Variants in RNF111 observed in about 807,000 individuals in gnomAD.
RNF111 encodes ring finger protein 111.
In RNF111, 17 loss-of-function variants were observed where a neutral mutation model predicts 95.1. The ratio of observed to expected loss-of-function variants is 0.18; its 90% CI spans 0.12 to 0.27. The LOEUF is 0.27. RNF111 is among the 10% of genes least tolerant of loss of function. RNF111 has a pLI of 1.00. For missense variants in RNF111, 1,189 were observed against 1,210.4 expected, an observed-to-expected ratio of 0.98 and a Z score of 0.26; for synonymous variants, 440 against 414.8, an observed-to-expected ratio of 1.06 and a Z score of -0.74.
chr15:59,092,171 T>C (rs1407362409), intron 12 of RNF111, among the ~76,000 whole-genome samples: 1 of 152,216 alleles, frequency 6.6e-6, no homozygotes, highest in Non-Finnish European at 1.5e-5. Context: ...CTAATGTTAA[T>C]TTAAATGGAT....
chr15:58,989,834 C>G (rs949170037), intron 1 of RNF111, among the ~76,000 whole-genome samples: 1 of 151,784 alleles, frequency 6.6e-6, no homozygotes, highest in Non-Finnish European at 1.5e-5. Context: ...ATAAAGGAAA[C>G]TAATTGAATC....
intron 13 of RNF111, 27 bp downstream of exon 13, chr15:59,092,667 C>T (rs1449127657): frequency 1.3e-6 from 2 of 1,580,502 alleles, no homozygotes; most frequent in African/African-American, 1.4e-5. Context: ...TATCTAAAAT[C>T]CATTGTCAAA....
chr15:59,086,183 G>A (rs2078895832), intron 10 of RNF111, among the ~76,000 whole-genome samples: 1 of 151,894 alleles, frequency 6.6e-6, no homozygotes, highest in Non-Finnish European at 1.5e-5. Flanking sequence ...GCAGTAGTAT[G>A]ATCTCAGCTC....
At chr15:59,069,592 G>A (rs1381998852) in intron 6 of RNF111, among the ~76,000 whole-genome samples, 1 of 152,082 alleles carries the variant, frequency 6.6e-6, no homozygotes. Flanking sequence ...AGTATTAGTA[G>A]AAGTATTTGG....
At chr15:59,036,993 T>C (rs2041211060) in intron 2 of RNF111, among the ~76,000 whole-genome samples, 1 of 151,690 alleles carries the variant, frequency 6.6e-6, no homozygotes, top group South Asian at 2.1e-4. Context: ...GCAACTACAG[T>C]TGACTAATTT....
intron 5 of RNF111, among the ~76,000 whole-genome samples, chr15:59,060,388 G>A (rs186949328): frequency 6.6e-6 from 1 of 151,752 alleles, no homozygotes; most frequent in Admixed American, 6.6e-5. Flanking sequence ...CAGATCACTC[G>A]AGGCCAGGAG....
chr15:59,032,287 T>TCATTTATGGTACACATTTTTTTA (rs1238124672), intron 2 of RNF111, among the ~76,000 whole-genome samples: 1 of 152,214 alleles, frequency 6.6e-6, no homozygotes, highest in East Asian at 1.9e-4. Flanking sequence ...TGTATGTTCT[T>TCATTTATGGTACACATTTTTTTA]CATTTATGGT....
intron 1 of RNF111, among the ~76,000 whole-genome samples, chr15:58,999,628 G>A (rs1267954061): frequency 3.9e-5 from 6 of 152,136 alleles, no homozygotes; most frequent in Admixed American, 3.9e-4. Context: ...CAGCCACTGT[G>A]CCCGGCCTAT....
At chr15:59,051,472 A>G (rs1224565771) in intron 2 of RNF111, among the ~76,000 whole-genome samples, 1 of 134,212 alleles carries the variant, frequency 7.5e-6, no homozygotes, top group African/African-American at 3.2e-5. Flanking sequence ...AAAAAAAGGA[A>G]AAAAAAAAAA....
chr15:59,089,780 A>G lies in RNF111; in HGVS notation c.2643+21A>G, dbSNP rs774280635. The G allele has an allele frequency of 4.7e-6, 7 of 1,503,230 alleles. No homozygotes were observed. The East Asian group carries it at 1.4e-4, about 29-fold the overall frequency. The allele number at this position is 1,503,230 out of a possible 1,614,324, so 93.1% of individuals were successfully genotyped here. ...TTGAGGTATGTAATAAAATAAATGA[A>G]TATGTTTGTCACAGTATCTTTAATG... On this transcript the variant is annotated intron_variant, in intron 11 of 13. Transcript: ENST00000348370.
At chr15:59,069,766 A>G (rs1489553737) in intron 6 of RNF111, among the ~76,000 whole-genome samples, 1 of 152,130 alleles carries the variant, frequency 6.6e-6, no homozygotes, top group East Asian at 1.9e-4. Flanking sequence ...ATAGCTTCAT[A>G]TAGTCTTCAC....
chr15:59,038,580 C>T (rs1378887581), intron 2 of RNF111, among the ~76,000 whole-genome samples: 1 of 152,198 alleles, frequency 6.6e-6, no homozygotes, highest in African/African-American at 2.4e-5. Flanking sequence ...ATCATCATCT[C>T]GCTTCAGTTG....
intron 7 of RNF111, among the ~76,000 whole-genome samples, chr15:59,076,504 A>G (rs2078567228): frequency 6.6e-6 from 1 of 152,202 alleles, no homozygotes; most frequent in Non-Finnish European, 1.5e-5. Context: ...GTTAGCTGAG[A>G]CATAACAGCA....
intron 2 of RNF111, among the ~76,000 whole-genome samples, chr15:59,047,566 G>A (rs12101733): frequency 0.43 from 65,752 of 151,824 alleles, 15,311 homozygotes; most frequent in African/African-American, 0.61. Flanking sequence ...TAGTTATTTT[G>A]TGTTTTTTTT....
At chr15:59,070,029 C>CCCTTT (rs2042842652) in intron 6 of RNF111, among the ~76,000 whole-genome samples, 5 of 22,682 alleles carry the variant, frequency 2.2e-4, no homozygotes, top group African/African-American at 2.3e-4. Flanking sequence ...CCACCTCCTG[C>CCCTTT]TTTTTTTTTT....
chr15:59,001,431 TAAA>T (rs34531720), intron 1 of RNF111, among the ~76,000 whole-genome samples: 1 of 151,830 alleles, frequency 6.6e-6, no homozygotes, highest in African/African-American at 2.4e-5. Context: ...TGTTGTTGAT[TAAA>T]AAAAAATTCT....
At position 59,076,101 on chromosome 15, in the gene RNF111, A is replaced by G. The variant is rs2043153954; in HGVS notation, c.1834A>G (p.Ser612Gly). ...CCATCAGGCCGCTGCTGCTGCCCCA[A>G]GTCAACCTTTATCATCAATAGATGG... ...FGHQAAAAAPSQPLSSIDGYG... is the reference protein window; with the variant it reads ...FGHQAAAAAPGQPLSSIDGYG... The change falls in exon 7 of 14, where the codon AGT (serine) becomes GGT (glycine). Residue 612 changes from serine (S) to glycine (G), a missense_variant. Coordinates refer to ENST00000348370, the MANE Select transcript of RNF111 (RefSeq NM_017610.8). 3 of 1,614,208 alleles carry G rather than the reference A, an allele frequency of 1.9e-6. No individual in the cohort carries two copies. Among genetic ancestry groups the G allele is most frequent in the Non-Finnish European group, 2.5e-6 (3 of 1,180,046 alleles).
At chr15:58,995,764 CTTTT>C (rs34209382) in intron 1 of RNF111, among the ~76,000 whole-genome samples, 24 of 99,532 alleles carry the variant, frequency 2.4e-4, no homozygotes, top group Non-Finnish European at 3.5e-4. Context: ...GTGCCCCGGC[CTTTT>C]TTTTTTTTTT....
At chr15:59,075,933 A>G (rs1245233142) in intron 6 of RNF111, 21 bp from the exon 7 acceptor site, 2 of 1,611,686 alleles carry the variant, frequency 1.2e-6, no homozygotes, top group South Asian at 1.1e-5. Context: ...GAAAGATAAA[A>G]TATACTTCCT....
Sources: allele counts gnomAD v4.1 joint callset (sites outside exome capture counted in the v4.1 genomes callset), GRCh38; gene constraint gnomAD v4.1.1; transcripts MANE v1.5; gene names NCBI Gene and HGNC (gene_info 2026-07-23, HGNC 2026-07-21).